LPA: variants seen among roughly 807,000 people sequenced by gnomAD.
The protein encoded by LPA is lipoprotein(a).
LPA carries 199 observed loss-of-function variants against 197.9 expected under a neutral mutation model. The observed-to-expected ratio is 1.01, with a 90% CI of 0.90 to 1.13. The LOEUF (loss-of-function observed/expected upper bound fraction) is 1.13. LPA is among the 50% of genes most tolerant of loss of function. The probability of loss-of-function intolerance (pLI) is 0.00; values close to 1 mark genes in which losing one functional copy is unlikely to be tolerated. For missense variants in LPA, 1,853 were observed against 1,785.8 expected (o/e 1.04, Z -0.68); for synonymous variants, 715 against 639.5 (o/e 1.12, Z -1.78).
intron 17 of LPA, among the ~76,000 whole-genome samples, chr6:160,605,586 C>T (rs147811085): frequency 1.1e-4 from 16 of 152,224 alleles, no homozygotes; most frequent in African/African-American, 3.4e-4. Flanking sequence ...CAGCAAAGCA[C>T]GATGCATTTG....
chr6:160,650,032 A>G (rs535474897), intron 2 of LPA, among the ~76,000 whole-genome samples: 1 of 152,346 alleles, frequency 6.6e-6, no homozygotes, highest in East Asian at 1.9e-4. Context: ...TTCAAGGGGT[A>G]AAGATCACAT....
intron 20 of LPA, among the ~76,000 whole-genome samples, chr6:160,598,450 G>T (rs41271016): frequency 9.4e-4 from 143 of 152,232 alleles, no homozygotes; most frequent in African/African-American, 3.1e-3. Flanking sequence ...GTGCAGGAAG[G>T]GTCTCCTTGA....
chr6:160,660,107 T>A (rs1780200234), intron 1 of LPA, among the ~76,000 whole-genome samples: 1 of 152,264 alleles, frequency 6.6e-6, no homozygotes, highest in Non-Finnish European at 1.5e-5. Flanking sequence ...AGGTGTTTGA[T>A]ATGAATTCTA....
At chr6:160,591,301 A>G (rs1181059803) in intron 22 of LPA, among the ~76,000 whole-genome samples, 200 bp from the exon 23 acceptor site, 2 of 152,212 alleles carry the variant, frequency 1.3e-5, no homozygotes, top group African/African-American at 2.4e-5. Context: ...TTCTTATTGT[A>G]ACACATCCAA....
At chr6:160,588,918 C>T (rs1182901511) in intron 24 of LPA, among the ~76,000 whole-genome samples, 1 of 152,182 alleles carries the variant, frequency 6.6e-6, no homozygotes, top group Admixed American at 6.5e-5. Context: ...ATTTGATAGT[C>T]CTTCATGGCA....
intron 28 of LPA, among the ~76,000 whole-genome samples, chr6:160,565,263 GA>G (rs1778431411): frequency 6.6e-6 from 1 of 152,178 alleles, no homozygotes; most frequent in Admixed American, 6.5e-5. Flanking sequence ...CTAACTGGGG[GA>G]CACCTCCCAG....
At chr6:160,555,457 G>A (rs867337111) in intron 30 of LPA, among the ~76,000 whole-genome samples, 145 of 88,486 alleles carry the variant, frequency 1.6e-3, no homozygotes, top group Admixed American at 3.2e-3. Flanking sequence ...ATATATATAT[G>A]TGTGTGTATA....
chr6:160,659,393 C>T (rs574444069), intron 1 of LPA, among the ~76,000 whole-genome samples: 1 of 152,270 alleles, frequency 6.6e-6, no homozygotes, highest in South Asian at 2.1e-4. Context: ...CTTTCAGTCA[C>T]CTCTGGGAGC....
intron 1 of LPA, among the ~76,000 whole-genome samples, chr6:160,661,358 G>A (rs376286999): frequency 4.6e-5 from 7 of 152,166 alleles, no homozygotes; most frequent in Non-Finnish European, 7.3e-5. Flanking sequence ...TGAAAGCAGC[G>A]AGACTTCTAG....
intron 28 of LPA, among the ~76,000 whole-genome samples, chr6:160,565,292 C>T (rs1448726920): frequency 6.6e-6 from 1 of 152,154 alleles, no homozygotes; most frequent in African/African-American, 2.4e-5. Context: ...CAACTGACAC[C>T]TCATACAGCT....
At chr6:160,535,973 C>G (rs1056403787) in intron 37 of LPA, among the ~76,000 whole-genome samples, 49 of 152,176 alleles carry the variant, frequency 3.2e-4, no homozygotes, top group Middle Eastern at 3.2e-3. Context: ...CTTGAAGGAT[C>G]TATCTAACTT....
chr6:160,565,465 A>G (rs1778435266), intron 28 of LPA, among the ~76,000 whole-genome samples: 1 of 152,198 alleles, frequency 6.6e-6, no homozygotes, highest in African/African-American at 2.4e-5. Context: ...GAGGGTCCTG[A>G]CTGTTAGAAG....
At chr6:160,606,746 C>A in intron 16 of LPA, 88 bp from the exon 17 acceptor site, 1 of 1,539,566 alleles carries the variant, frequency 6.5e-7, no homozygotes, top group Non-Finnish European at 9.0e-7. Context: ...GCAACAAGGT[C>A]ATTACCAGTG....
intron 28 of LPA, among the ~76,000 whole-genome samples, chr6:160,576,895 A>G (rs529850380): frequency 5.9e-5 from 9 of 152,128 alleles, no homozygotes; most frequent in East Asian, 1.9e-4. Context: ...TGAGCTTTAC[A>G]TTAATATGAC....
intron 30 of LPA, among the ~76,000 whole-genome samples, chr6:160,549,617 C>T (rs1048412809): frequency 6.6e-6 from 1 of 152,192 alleles, no homozygotes; most frequent in African/African-American, 2.4e-5. Context: ...TGAAAAACAA[C>T]CATGAAAATA....
At position 160,599,934 on chromosome 6, in the gene LPA, A is replaced by G. The variant is rs528195335; in HGVS notation, c.3128-275T>C. ...GCTTCTCATCGGAAACTCCACTAAC[A>G]TGGAAGCTCATTTCTAGGAATCTCT... On this transcript the variant is annotated intron_variant, in intron 19 of 38. Coordinates refer to ENST00000316300, the MANE Select transcript of LPA (RefSeq NM_005577.4). Among the ~76,000 whole-genome samples the G allele has an allele frequency of 1.4e-4, 21 of 152,350 alleles. No homozygotes were observed. The South Asian group carries it at 2.5e-3, about 18-fold the overall frequency.
intron 28 of LPA, among the ~76,000 whole-genome samples, chr6:160,571,549 C>T (rs1438741101): frequency 2.0e-5 from 3 of 152,194 alleles, no homozygotes; most frequent in East Asian, 3.9e-4. Context: ...GGGGCTGCTG[C>T]CTTTCTTTCA....
chr6:160,653,990 TATATATTA>T (rs1448221379), intron 1 of LPA, among the ~76,000 whole-genome samples: 2 of 12,786 alleles, frequency 1.6e-4, no homozygotes, highest in African/African-American at 8.0e-4. Flanking sequence ...TAATATATAA[TATATATTA>T]TATATAATAT....
intron 1 of LPA, among the ~76,000 whole-genome samples, chr6:160,655,520 C>G (rs2115107157): frequency 6.6e-6 from 1 of 152,264 alleles, no homozygotes; most frequent in South Asian, 2.1e-4. Flanking sequence ...AGTAACACAC[C>G]CAAACGAGGA....
Sources: allele counts gnomAD v4.1 joint callset (sites outside exome capture counted in the v4.1 genomes callset), GRCh38; gene constraint gnomAD v4.1.1; transcripts MANE v1.5; gene names NCBI Gene and HGNC (gene_info 2026-07-23, HGNC 2026-07-21).